The following CERS6 variants were observed in gnomAD, a reference collection of about 807,000 sequenced individuals.
CERS6 encodes the protein LAG1 homolog, ceramide synthase 6.
CERS6 carries 26 observed loss-of-function variants against 56.8 expected under a neutral mutation model. The observed-to-expected ratio is 0.46, with a 90% CI of 0.34 to 0.63. CERS6 has a LOEUF of 0.63. CERS6 is among the 30% of genes least tolerant of loss of function. The pLI is 0.01. For synonymous variants in CERS6, 164 were observed against 173.3 expected (o/e 0.95, Z 0.42); for missense variants, 415 against 467.5 (o/e 0.89, Z 1.04).
intron 8 of CERS6, among the ~76,000 whole-genome samples, chr2:168,761,073 A>G (rs999011212): frequency 9.9e-5 from 15 of 152,160 alleles, no homozygotes; most frequent in African/African-American, 3.6e-4. Context: ...ACTGTTTATT[A>G]GAGTCCAGGT....
At chr2:168,643,266 T>TA (rs879614126) in intron 4 of CERS6, among the ~76,000 whole-genome samples, 14 of 152,142 alleles carry the variant, frequency 9.2e-5, no homozygotes, top group East Asian at 5.8e-4. Flanking sequence ...TTGTGAATTA[T>TA]AAAAAAAACT....
At chr2:168,523,774 G>T (rs1426538331) in intron 1 of CERS6, among the ~76,000 whole-genome samples, 2 of 152,172 alleles carry the variant, frequency 1.3e-5, no homozygotes, top group East Asian at 3.8e-4. Flanking sequence ...TTCAATAGGT[G>T]TAGATGGACA....
At chr2:168,752,208 G>A (rs1460863371) in intron 8 of CERS6, among the ~76,000 whole-genome samples, 1 of 151,630 alleles carries the variant, frequency 6.6e-6, no homozygotes, top group African/African-American at 2.4e-5. Flanking sequence ...GGAGGCTAAG[G>A]CAGTAGGATC....
intron 1 of CERS6, among the ~76,000 whole-genome samples, chr2:168,476,882 C>T (rs540907574): frequency 2.0e-5 from 3 of 152,264 alleles, no homozygotes; most frequent in South Asian, 4.1e-4. Context: ...TCTGGAAACA[C>T]AGTCATATAC....
intron 4 of CERS6, among the ~76,000 whole-genome samples, chr2:168,677,850 A>G (rs1177526101): frequency 1.3e-5 from 2 of 152,342 alleles, no homozygotes; most frequent in South Asian, 2.1e-4. Context: ...TTACAAGAAA[A>G]AAACCAAACA....
chr2:168,702,257 A>G (rs866393630), intron 6 of CERS6, among the ~76,000 whole-genome samples: 59 of 152,228 alleles, frequency 3.9e-4, no homozygotes, highest in Admixed American at 5.9e-4. Flanking sequence ...TAGGTATGCA[A>G]TGGTGTCTGT....
At chr2:168,556,366 C>T (rs867845546) in intron 2 of CERS6, among the ~76,000 whole-genome samples, 2 of 152,088 alleles carry the variant, frequency 1.3e-5, no homozygotes, top group African/African-American at 2.4e-5. Flanking sequence ...GTAGATCTAA[C>T]GAGAAAAATA....
chr2:168,769,150 A>G (rs1450378711), intron 9 of CERS6, among the ~76,000 whole-genome samples: 5 of 152,176 alleles, frequency 3.3e-5, no homozygotes, highest in South Asian at 4.1e-4. Flanking sequence ...GTGATCATCA[A>G]TGAGTAAATT....
intron 1 of CERS6, among the ~76,000 whole-genome samples, chr2:168,516,056 A>G (rs1694878779): frequency 6.6e-6 from 1 of 152,214 alleles, no homozygotes; most frequent in South Asian, 2.1e-4. Context: ...CAAGGCTTCC[A>G]TTTTCAATAC....
At chr2:168,552,604 A>T (rs2105375647) in intron 2 of CERS6, among the ~76,000 whole-genome samples, 1 of 152,184 alleles carries the variant, frequency 6.6e-6, no homozygotes, top group East Asian at 1.9e-4. Context: ...AGCACTTCTC[A>T]AGAGTTGAGG....
At chr2:168,765,160 G>A (rs1378817744) in intron 8 of CERS6, among the ~76,000 whole-genome samples, 1 of 152,182 alleles carries the variant, frequency 6.6e-6, no homozygotes, top group Admixed American at 6.5e-5. Context: ...AATTCACAGA[G>A]ACAGGAAGGA....
rs928675314 is a variant in CERS6 at position 168,668,141 on chromosome 2, G to C, written c.466-22893G>C. ...CAAATGCAGAAGAACAAGTGAACCT[G>C]GATTACCAGCCTCTTTTCTGATTTT... On this transcript the variant is annotated intron_variant, in intron 4 of 9. Coordinates refer to ENST00000305747, the MANE Select transcript of CERS6 (RefSeq NM_203463.3). Among the ~76,000 whole-genome samples, 98 of 152,156 alleles carry C rather than the reference G, an allele frequency of 6.4e-4. 2 individuals carry two copies. Among genetic ancestry groups the C allele is most frequent in the African/African-American group, 2.3e-3 (96 of 41,422 alleles).
chr2:168,621,885 A>G (rs1003181519), intron 3 of CERS6, among the ~76,000 whole-genome samples: 1 of 152,248 alleles, frequency 6.6e-6, no homozygotes, highest in Non-Finnish European at 1.5e-5. Flanking sequence ...AAAATTAATT[A>G]TAATGCTTAG....
chr2:168,679,575 T>C (rs11686058), intron 4 of CERS6, among the ~76,000 whole-genome samples: 54,681 of 152,108 alleles, frequency 0.36, 11,414 homozygotes, highest in Non-Finnish European at 0.47. Flanking sequence ...AATCTCGCTC[T>C]GTGTGACAAA....
At chr2:168,675,709 A>G (rs1438208232) in intron 4 of CERS6, among the ~76,000 whole-genome samples, 2 of 151,430 alleles carry the variant, frequency 1.3e-5, no homozygotes, top group Non-Finnish European at 2.9e-5. Flanking sequence ...TTTTTATGAG[A>G]TGGAGTCTTG....
At chr2:168,718,101 T>G in intron 8 of CERS6, 123 bp downstream of exon 8, 2 of 640,556 alleles carry the variant, frequency 3.1e-6, no homozygotes, top group Non-Finnish European at 5.4e-6. Flanking sequence ...GGAGGGGAAA[T>G]ACCTCAAGAA....
At chr2:168,468,279 A>G (rs144696349) in intron 1 of CERS6, among the ~76,000 whole-genome samples, 3 of 152,110 alleles carry the variant, frequency 2.0e-5, no homozygotes, top group African/African-American at 4.8e-5. Flanking sequence ...TGATATGCAG[A>G]TATCTCCACC....
intron 1 of CERS6, among the ~76,000 whole-genome samples, chr2:168,504,956 C>T (rs1694649745): frequency 6.6e-6 from 1 of 152,118 alleles, no homozygotes; most frequent in Admixed American, 6.5e-5. Flanking sequence ...TCAGGCGGTT[C>T]TCTTAAAGCC....
intron 4 of CERS6, among the ~76,000 whole-genome samples, chr2:168,635,987 A>C (rs951625789): frequency 6.6e-6 from 1 of 152,200 alleles, no homozygotes; most frequent in Admixed American, 6.5e-5. Flanking sequence ...GAATTTGTCT[A>C]GCCATTAGAA....
Sources: allele counts gnomAD v4.1 joint callset (sites outside exome capture counted in the v4.1 genomes callset), GRCh38; gene constraint gnomAD v4.1.1; transcripts MANE v1.5; gene names NCBI Gene and HGNC (gene_info 2026-07-23, HGNC 2026-07-21).